The following TEC variants were observed in gnomAD, a reference collection of about 807,000 sequenced individuals.
The protein encoded by TEC is tec protein tyrosine kinase.
A neutral mutation model predicts 93.0 loss-of-function variants in TEC; 72 were observed. The observed-to-expected ratio is 0.77, with a 90% CI of 0.64 to 0.94. TEC has a LOEUF of 0.94. Ranked by LOEUF, TEC falls within the 40% of genes least tolerant of loss-of-function variation. TEC has a pLI of 0.00. For synonymous variants in TEC, 249 were observed against 247.7 expected (o/e 1.01, Z -0.05); for missense variants, 630 against 757.9 (o/e 0.83, Z 1.98).
At chr4:48,153,106 T>A (rs1720244329) in intron 9 of TEC, among the ~76,000 whole-genome samples, 1 of 152,120 alleles carries the variant, frequency 6.6e-6, no homozygotes, top group Non-Finnish European at 1.5e-5. Flanking sequence ...TTTAAAGGTA[T>A]AGCAATTTCA....
At chr4:48,164,028 G>A (rs7678246) in intron 7 of TEC, among the ~76,000 whole-genome samples, 6 of 151,994 alleles carry the variant, frequency 3.9e-5, no homozygotes, top group Non-Finnish European at 8.8e-5. Flanking sequence ...GCTTAGAAAG[G>A]TTATAGGATT....
rs35454850 is a variant in TEC, at chr4:48,269,112, T to TG, written c.-46+639dup. Reference sequence around the variant, plus strand: ...TCCCGGGGCGAGGTGGGCGGGGTATTGGGGGGGTGGGGAAGAGAACGTGAA... The same window carrying TG: ...TCCCGGGGCGAGGTGGGCGGGGTATTGGGGGGGGTGGGGAAGAGAACGTGAA... On this transcript the variant is annotated intron_variant, in intron 1 of 17. Transcript: ENST00000381501. 7.0e-4 allele frequency among the ~76,000 whole-genome samples: 57 copies of TG among 81,484 alleles called. No homozygotes were observed. In the East Asian group the frequency reaches 0.012, roughly 17 times the overall value. The allele number at this position is 81,484 out of a possible 152,430, so 53.5% of individuals were successfully genotyped here.
At chr4:48,160,188 G>A (rs927427254) in intron 8 of TEC, among the ~76,000 whole-genome samples, 2 of 152,196 alleles carry the variant, frequency 1.3e-5, no homozygotes, top group Non-Finnish European at 2.9e-5. Context: ...ATACAGCTGG[G>A]AAACAGCAAA....
At chr4:48,174,457 G>A (rs574095669) in intron 3 of TEC, among the ~76,000 whole-genome samples, 43 of 152,208 alleles carry the variant, frequency 2.8e-4, no homozygotes, top group African/African-American at 9.4e-4. Context: ...CCAGGAGTTC[G>A]AGACCAGCCT....
chr4:48,245,492 T>A (rs1172221987), intron 1 of TEC, among the ~76,000 whole-genome samples: 1 of 152,178 alleles, frequency 6.6e-6, no homozygotes, highest in Non-Finnish European at 1.5e-5. Flanking sequence ...TTTAATTTCA[T>A]TAAGTAAGTT....
intron 2 of TEC, among the ~76,000 whole-genome samples, chr4:48,177,244 T>C (rs1324654793): frequency 6.6e-6 from 1 of 152,108 alleles, no homozygotes; most frequent in Non-Finnish European, 1.5e-5. Flanking sequence ...ACAAACACAA[T>C]GTAGAAATAA....
chr4:48,205,725 G>A (rs1170233565), intron 2 of TEC, among the ~76,000 whole-genome samples: 1 of 152,164 alleles, frequency 6.6e-6, no homozygotes, highest in African/African-American at 2.4e-5. Flanking sequence ...TGGAGAAATT[G>A]GAACGCTTGC....
rs1043284777 is a variant in TEC, at chr4:48,166,740, G to A, written c.671+1038C>T. Among the ~76,000 whole-genome samples the A allele has an allele frequency of 1.6e-3, 248 of 151,828 alleles. 2 individuals are homozygous for A. The highest frequency in any genetic ancestry group is 5.7e-3 in the African/African-American group (236 of 41,400). On this transcript the variant is annotated intron_variant, in intron 7 of 17. Transcript: ENST00000381501. ...TAGAAATCAATCTTATACAGCATCCGATAAAGAGAAGCAGTGACAACCTTC... is the reference window on the plus strand; with the variant it reads ...TAGAAATCAATCTTATACAGCATCCAATAAAGAGAAGCAGTGACAACCTTC...
intron 1 of TEC, among the ~76,000 whole-genome samples, chr4:48,247,242 G>A (rs1431183559): frequency 6.6e-6 from 1 of 152,164 alleles, no homozygotes; most frequent in African/African-American, 2.4e-5. Flanking sequence ...AACTGAACAA[G>A]TATTAGCAAG....
intron 2 of TEC, among the ~76,000 whole-genome samples, chr4:48,207,522 C>T (rs1355251976): frequency 6.6e-6 from 1 of 150,722 alleles, no homozygotes; most frequent in Non-Finnish European, 1.5e-5. Context: ...TGGCTCATGC[C>T]TGTAATTCCA....
chr4:48,258,691 A>G (rs1419093886), intron 1 of TEC, among the ~76,000 whole-genome samples: 2 of 152,106 alleles, frequency 1.3e-5, no homozygotes, highest in Non-Finnish European at 1.5e-5. Context: ...TATTTTTCCC[A>G]ACTTATTGCT....
chr4:48,160,450 G>C (rs1720583946), intron 8 of TEC, among the ~76,000 whole-genome samples: 2 of 152,144 alleles, frequency 1.3e-5, no homozygotes, highest in Admixed American at 6.5e-5. Context: ...CCTTTGGCCA[G>C]GGGAGGTGGC....
chr4:48,142,007 C>T (rs1385290239), intron 14 of TEC, among the ~76,000 whole-genome samples: 1 of 152,202 alleles, frequency 6.6e-6, no homozygotes, highest in Non-Finnish European at 1.5e-5. Context: ...TTTCTCCTTC[C>T]CAGACCTGTT....
At position 48,173,306 on chromosome 4, in the gene TEC, C is replaced by CA. The variant is rs918639952; in HGVS notation, c.244-1858dup. Among the ~76,000 whole-genome samples, 3 of 151,928 alleles carry CA rather than the reference C, an allele frequency of 2.0e-5. 1 individual carries two copies. Among genetic ancestry groups the CA allele is most frequent in the African/African-American group, 2.4e-5 (1 of 41,416 alleles). ...AGACTAGCTAACCGCCTCCCCCCAC[C>CA]AAAAAAAACCTAATCCAAATTCAGA... On this transcript the variant is annotated intron_variant, in intron 3 of 17. Coordinates refer to ENST00000381501, the MANE Select transcript of TEC (RefSeq NM_003215.3).
Position 48,150,366 on chromosome 4 carries a change from G to A in TEC, c.872+497C>T, listed in dbSNP as rs564388874. Among the ~76,000 whole-genome samples the A allele has an allele frequency of 8.5e-5, 13 of 152,182 alleles. No homozygotes were observed. In the South Asian group the frequency reaches 2.7e-3, roughly 32 times the overall value. On this transcript the variant is annotated intron_variant, in intron 10 of 17. Coordinates refer to ENST00000381501, the MANE Select transcript of TEC (RefSeq NM_003215.3). ...CGTCTCCTCCCTCCAAGTTTTTCCTGCTCGCCTATCAGGTCTCAGCCTGGA... is the reference window on the plus strand; with the variant it reads ...CGTCTCCTCCCTCCAAGTTTTTCCTACTCGCCTATCAGGTCTCAGCCTGGA...
intron 1 of TEC, among the ~76,000 whole-genome samples, chr4:48,245,914 C>T (rs1404177820): frequency 6.6e-6 from 1 of 151,906 alleles, no homozygotes; most frequent in Non-Finnish European, 1.5e-5. Flanking sequence ...AGTTTGAGAC[C>T]GGCCTGACCA....
At chr4:48,137,637 G>T in intron 17 of TEC, 138 bp from the exon 18 acceptor site, 1 of 686,318 alleles carries the variant, frequency 1.5e-6, no homozygotes, top group Non-Finnish European at 2.5e-6. Context: ...CATCTCCAAA[G>T]GGGTCTTGTC....
intron 15 of TEC, among the ~76,000 whole-genome samples, chr4:48,140,986 G>A (rs530151843): frequency 2.0e-5 from 3 of 152,116 alleles, no homozygotes; most frequent in East Asian, 1.9e-4. Context: ...ATGGATAGAC[G>A]GAGGGAGAAG....
intron 2 of TEC, among the ~76,000 whole-genome samples, chr4:48,181,215 T>C (rs1313809917): frequency 1.3e-5 from 2 of 152,176 alleles, no homozygotes; most frequent in African/African-American, 4.8e-5. Context: ...CAGAAATGCT[T>C]AGCACTGTCT....
Sources: gnomAD v4.1 joint callset for allele counts (sites outside exome capture counted in the v4.1 genomes callset) on GRCh38, gnomAD v4.1.1 for gene constraint, MANE v1.5 for transcripts, NCBI Gene and HGNC (gene_info 2026-07-23, HGNC 2026-07-21) for gene names.